Variants in ZDHHC17 observed in about 807,000 individuals in gnomAD.
ZDHHC17 encodes palmitoyltransferase ZDHHC17.
Under a neutral mutation model 90.3 loss-of-function variants are expected in ZDHHC17, and 40 were observed. The observed-to-expected ratio is 0.44, with a 90% confidence interval of 0.34 to 0.58. ZDHHC17 has a LOEUF of 0.58. Ranked by LOEUF, ZDHHC17 falls within the 20% of genes least tolerant of loss-of-function variation. The pLI is 0.01. For missense variants in ZDHHC17, 614 were observed against 780.8 expected (o/e 0.79, Z 2.55); for synonymous variants, 235 against 252.4 (o/e 0.93, Z 0.65).
chr12:76,776,839 A>C (rs572774362), intron 1 of ZDHHC17, among the ~76,000 whole-genome samples: 1 of 152,324 alleles, frequency 6.6e-6, no homozygotes, highest in East Asian at 1.9e-4. Context: ...GTTTTTTAAA[A>C]AAACTTGTAT....
At chr12:76,813,314 A>T (rs1468129728) in intron 5 of ZDHHC17, 1 of 446,982 alleles carries the variant, frequency 2.2e-6, no homozygotes, top group South Asian at 1.6e-5. Context: ...AAGCCACAGG[A>T]TTATTTTAAA....
rs74401089 is a variant in ZDHHC17 at position 76,818,784 on chromosome 12, A to G, written c.771+2765A>G. On this transcript the variant is annotated intron_variant, in intron 7 of 16. Transcript: ENST00000426126. ...CACAGGTGCTGTATCATGCAATGCGATAATAAAGAGCTTTAATTGTATTCT... is the reference window on the plus strand; with the variant it reads ...CACAGGTGCTGTATCATGCAATGCGGTAATAAAGAGCTTTAATTGTATTCT... Among the ~76,000 whole-genome samples the G allele has an allele frequency of 2.6e-4, 39 of 152,338 alleles. No individual in the cohort carries two copies. The East Asian group carries it at 7.5e-3, about 29-fold the overall frequency.
chr12:76,768,408 A>C (rs1403351687), intron 1 of ZDHHC17, among the ~76,000 whole-genome samples: 1 of 152,192 alleles, frequency 6.6e-6, no homozygotes, highest in East Asian at 1.9e-4. Flanking sequence ...GTGATTTTTC[A>C]ATATAATCAA....
At chr12:76,782,872 A>T (rs1267127379) in intron 1 of ZDHHC17, among the ~76,000 whole-genome samples, 1 of 152,048 alleles carries the variant, frequency 6.6e-6, no homozygotes, top group Non-Finnish European at 1.5e-5. Context: ...CAGATGGAAA[A>T]TTACCAAGAG....
intron 10 of ZDHHC17, among the ~76,000 whole-genome samples, chr12:76,829,469 AAAAAAAAAAAAAAAAG>A (rs1217812462): frequency 1.8e-5 from 2 of 110,892 alleles, no homozygotes; most frequent in Non-Finnish European, 4.6e-5. Flanking sequence ...AAAAAAAAAA[AAAAAAAAAAAAAAAAG>A]AACTACCATT....
Position 76,805,300 on chromosome 12 carries a change from TTTTC to T in ZDHHC17, c.198-9_198-6del, listed in dbSNP as rs1168348696. The T allele has an allele frequency of 1.3e-6, 2 of 1,572,986 alleles. No individual in the cohort carries two copies. The highest frequency in any genetic ancestry group is 1.7e-6 in the Non-Finnish European group (2 of 1,155,272). ...CTTGTTAAATAATAACAATGCCATA[TTTTC>T]TTTCTTTTCTAGATATGGAATATAT... On this transcript the variant is annotated splice_polypyrimidine_tract_variant and intron_variant, in intron 2 of 16. Transcript: ENST00000426126.
At chr12:76,845,076 T>C (rs997954080) in intron 12 of ZDHHC17, 1 of 151,998 alleles carries the variant, frequency 6.6e-6, no homozygotes, top group African/African-American at 2.4e-5. Flanking sequence ...AGTGACTTCT[T>C]AAGCATGTTC....
intron 7 of ZDHHC17, 118 bp downstream of exon 7, chr12:76,816,137 AC>A: frequency 5.4e-6 from 4 of 740,802 alleles, no homozygotes; most frequent in East Asian, 3.2e-5. Context: ...ATACAGGTTT[AC>A]AGTTAAACCA....
intron 7 of ZDHHC17, among the ~76,000 whole-genome samples, chr12:76,819,371 A>T (rs1953131724): frequency 6.6e-6 from 1 of 152,172 alleles, no homozygotes; most frequent in Non-Finnish European, 1.5e-5. Flanking sequence ...ATTTATACCT[A>T]TGCTTTTTCC....
chr12:76,776,928 A>G (rs1952566707), intron 1 of ZDHHC17, among the ~76,000 whole-genome samples: 2 of 152,204 alleles, frequency 1.3e-5, no homozygotes, highest in African/African-American at 2.4e-5. Flanking sequence ...GCTCAAGTTG[A>G]TAACTTTTCT....
intron 7 of ZDHHC17, among the ~76,000 whole-genome samples, chr12:76,819,809 C>T (rs1290268823): frequency 6.6e-6 from 1 of 152,030 alleles, no homozygotes; most frequent in Non-Finnish European, 1.5e-5. Flanking sequence ...CCAGCCTCAA[C>T]ATGGAGAAAC....
At chr12:76,827,738 T>C (rs1457720734) in intron 9 of ZDHHC17, among the ~76,000 whole-genome samples, 1 of 152,096 alleles carries the variant, frequency 6.6e-6, no homozygotes, top group Non-Finnish European at 1.5e-5. Flanking sequence ...ATATGCTGAG[T>C]GGCTTAAATC....
intron 1 of ZDHHC17, among the ~76,000 whole-genome samples, chr12:76,794,518 A>G (rs1160986235): frequency 6.6e-6 from 1 of 152,118 alleles, no homozygotes; most frequent in Non-Finnish European, 1.5e-5. Flanking sequence ...TTTCATATAT[A>G]CCTTTTCTTT....
chr12:76,764,849 G>A (rs754679345), intron 1 of ZDHHC17: 19 of 456,284 alleles, frequency 4.2e-5, no homozygotes, highest in South Asian at 2.6e-4. Flanking sequence ...ACCTTGTGTC[G>A]GGCGTCCTTT....
intron 7 of ZDHHC17, among the ~76,000 whole-genome samples, chr12:76,820,387 G>A (rs1330102699): frequency 6.6e-6 from 1 of 151,998 alleles, no homozygotes; most frequent in Non-Finnish European, 1.5e-5. Flanking sequence ...TCCCTTTTGT[G>A]GTAGTATCTC....
At chr12:76,781,142 A>AG in intron 1 of ZDHHC17, among the ~76,000 whole-genome samples, 1 of 151,956 alleles carries the variant, frequency 6.6e-6, no homozygotes, top group Non-Finnish European at 1.5e-5. Context: ...TCAAAAAAAA[A>AG]AAAAAAAAAA....
chr12:76,797,075 T>C (rs1289561190), intron 1 of ZDHHC17, among the ~76,000 whole-genome samples: 2 of 151,828 alleles, frequency 1.3e-5, no homozygotes, highest in Non-Finnish European at 2.9e-5. Flanking sequence ...CCATCCTGGC[T>C]AACATGGTGA....
At chr12:76,785,055 T>G (rs1481060725) in intron 1 of ZDHHC17, among the ~76,000 whole-genome samples, 2 of 152,228 alleles carry the variant, frequency 1.3e-5, no homozygotes, top group African/African-American at 2.4e-5. Flanking sequence ...CCTGCTAATT[T>G]CTCTCATCAA....
At chr12:76,786,503 G>A (rs1032023700) in intron 1 of ZDHHC17, among the ~76,000 whole-genome samples, 2 of 151,990 alleles carry the variant, frequency 1.3e-5, no homozygotes, top group Non-Finnish European at 2.9e-5. Flanking sequence ...CAGTCCACCC[G>A]CCTCGGCCTC....
Sources: gnomAD v4.1 joint callset for allele counts (sites outside exome capture counted in the v4.1 genomes callset) on GRCh38, gnomAD v4.1.1 for gene constraint, MANE v1.5 for transcripts, NCBI Gene and HGNC (gene_info 2026-07-23, HGNC 2026-07-21) for gene names.